The following POLR2F variants were observed in gnomAD, a reference collection of about 807,000 sequenced individuals.
POLR2F encodes the protein DNA-directed RNA polymerases I, II, and III subunit RPABC2.
A neutral mutation model predicts 22.7 loss-of-function variants in POLR2F; 12 were observed. That is an observed-to-expected ratio of 0.53 (90% CI 0.34 to 0.86). The LOEUF is 0.86. Among genes scored for constraint, POLR2F ranks in the 40% least tolerant of loss-of-function variants. The pLI is 0.02. For missense variants in POLR2F, 126 were observed against 171.5 expected, an observed-to-expected ratio of 0.73 and a Z score of 1.48; for synonymous variants, 57 against 66.0, an observed-to-expected ratio of 0.86 and a Z score of 0.66.
At chr22:38,029,847 C>A (rs774627557), downstream of POLR2F, among the ~76,000 whole-genome samples, 9 of 152,302 alleles carry the variant, frequency 5.9e-5, no homozygotes, top group South Asian at 1.5e-3. Flanking sequence ...GGTTGTGGAG[C>A]CTTCGTCCAC....
In POLR2F at chr22:37,986,373, G is replaced by T; in HGVS notation, c.120+61G>T. ...TCCTCTTTGAGGAAAGGACCTCCCC[G>T]CTCTCTGCTGTGTCTGTGACTGGCC... On this transcript the variant is annotated intron_variant, in intron 1 of 2. Transcript: ENST00000333418. The surrounding 1 kb of genome is among the most constrained non-coding windows in gnomAD (Gnocchi z 4.7). 1 of 1,528,142 alleles carries T rather than the reference G, an allele frequency of 6.5e-7. No homozygotes were observed. Among genetic ancestry groups the T allele is most frequent in the Non-Finnish European group, 8.7e-7 (1 of 1,142,912 alleles). 94.7% of individuals were successfully genotyped at this position (1,528,142 alleles called of 1,614,324 possible).
intron 5 of POLR2F, among the ~76,000 whole-genome samples, chr22:38,038,289 G>A (rs911669848): frequency 6.6e-6 from 1 of 152,212 alleles, no homozygotes; most frequent in Non-Finnish European, 1.5e-5. Flanking sequence ...TGAAGCCAGA[G>A]GATGTGAGGA....
At chr22:38,001,521 C>T (rs185004636) in intron 1 of POLR2F, among the ~76,000 whole-genome samples, 81 of 152,186 alleles carry the variant, frequency 5.3e-4, no homozygotes, top group African/African-American at 1.9e-3. Context: ...TTGGAGGCTC[C>T]TGGACTATAG....
At chr22:37,959,206 G>A (rs1266347304) in intron 2 of POLR2F, 140 bp from the exon 3 acceptor site, 1 of 778,824 alleles carries the variant, frequency 1.3e-6, no homozygotes, top group African/African-American at 1.7e-5. Flanking sequence ...GAGTTGTTAG[G>A]AAGCAGTTAT....
At chr22:38,030,370 A>T (rs887327544), downstream of POLR2F, among the ~76,000 whole-genome samples, 6 of 152,156 alleles carry the variant, frequency 3.9e-5, no homozygotes, top group Non-Finnish European at 8.8e-5. Flanking sequence ...GCCAATTTTC[A>T]TAGTGGAAAA....
chr22:38,025,323 G>A lies in POLR2F; in HGVS notation c.121-546G>A, dbSNP rs55728453. On this transcript the variant is annotated intron_variant, in intron 1 of 2. Coordinates refer to the POLR2F transcript ENST00000333418. ...ACTTGCAATCACAGCACACATGCAC[G>A]TACACACATGCAATTATACACACAA... 9.8e-3 allele frequency among the ~76,000 whole-genome samples: 1,488 copies of A among 151,836 alleles called. 28 individuals carry two copies. The highest frequency in any genetic ancestry group is 0.035 in the African/African-American group (1,440 of 41,358).
chr22:38,014,122 C>CAAAAAA (rs918824276), intron 1 of POLR2F, among the ~76,000 whole-genome samples: 5 of 60,234 alleles, frequency 8.3e-5, no homozygotes, highest in African/African-American at 1.7e-4. Flanking sequence ...AACTCTGTCT[C>CAAAAAA]AAAAAAAAAA....
At chr22:37,971,313 T>C (rs1338381553), downstream of POLR2F, 3 of 471,046 alleles carry the variant, frequency 6.4e-6, no homozygotes, top group South Asian at 1.5e-5. Flanking sequence ...AAAATTGAGA[T>C]AACGATCGGA....
At chr22:37,970,489 C>T (rs1932015140), downstream of POLR2F, among the ~76,000 whole-genome samples, 1 of 150,332 alleles carries the variant, frequency 6.7e-6, no homozygotes, top group African/African-American at 2.5e-5. Context: ...CACCTGTAGT[C>T]CCAGCTACTC....
intron 3 of POLR2F, among the ~76,000 whole-genome samples, chr22:37,963,300 A>T (rs1931723681): frequency 6.7e-6 from 1 of 148,566 alleles, no homozygotes; most frequent in Non-Finnish European, 1.5e-5. Flanking sequence ...CTTTTCTTTT[A>T]TTTTTTTAGA....
intron 1 of POLR2F, chr22:37,987,164 C>G: frequency 2.2e-6 from 1 of 456,692 alleles, no homozygotes; most frequent in Non-Finnish European, 4.4e-6. Context: ...GGTGTTTATT[C>G]TGCAGCAGAG....
intron 1 of POLR2F, chr22:38,025,663 C>A: frequency 6.4e-7 from 1 of 1,561,606 alleles, no homozygotes; most frequent in Non-Finnish European, 8.7e-7. Context: ...TCTCCTCCCG[C>A]TGACTTCTCC....
intron 1 of POLR2F, among the ~76,000 whole-genome samples, chr22:38,008,896 C>CATTAATTT: frequency 6.6e-6 from 1 of 151,456 alleles, no homozygotes; most frequent in Non-Finnish European, 1.5e-5. Flanking sequence ...AAAAGCAGTG[C>CATTAATTT]ATTAATTTTA....
At chr22:38,022,664 T>C (rs1291041355) in intron 1 of POLR2F, among the ~76,000 whole-genome samples, 1 of 152,104 alleles carries the variant, frequency 6.6e-6, no homozygotes, top group Admixed American at 6.5e-5. Context: ...CATGTTTTAC[T>C]ATGCTCAACA....
chr22:37,984,776 G>A (rs1221490361), upstream of POLR2F, among the ~76,000 whole-genome samples: 2 of 152,164 alleles, frequency 1.3e-5, no homozygotes, highest in African/African-American at 4.8e-5. This position sits in a 1 kb window ranked among gnomAD's most constrained non-coding sequence, Gnocchi z 4.4. Context: ...GGAGGTGGAG[G>A]GGAGGTTAGG....
downstream of POLR2F, among the ~76,000 whole-genome samples, chr22:38,027,377 C>T (rs369581183): frequency 6.6e-6 from 1 of 151,990 alleles, no homozygotes; most frequent in South Asian, 2.1e-4. Flanking sequence ...GGCGTGTCAC[C>T]CATGTGGGGC....
upstream of POLR2F, chr22:37,983,276 G>T: frequency 6.8e-7 from 1 of 1,474,464 alleles, no homozygotes; most frequent in African/African-American, 1.4e-5. The surrounding 1 kb of genome is among the most constrained non-coding windows in gnomAD (Gnocchi z 9.5). Flanking sequence ...GCTCTGAGGT[G>T]CAGGAGGCCG....
At chr22:38,020,905 G>A (rs1177981836) in intron 1 of POLR2F, among the ~76,000 whole-genome samples, 2 of 152,192 alleles carry the variant, frequency 1.3e-5, no homozygotes, top group African/African-American at 4.8e-5. Context: ...TCAGGGTCAT[G>A]ATTGGGTATT....
At chr22:38,010,247 C>T (rs2084859124) in intron 1 of POLR2F, among the ~76,000 whole-genome samples, 1 of 152,084 alleles carries the variant, frequency 6.6e-6, no homozygotes, top group Non-Finnish European at 1.5e-5. Flanking sequence ...TTGCAGTGCA[C>T]ACCTGTAGTC....
Sources: gnomAD v4.1 joint callset for allele counts (sites outside exome capture counted in the v4.1 genomes callset) on GRCh38, gnomAD v4.1.1 for gene constraint, Gnocchi (gnomAD v3.1) non-coding constraint, MANE v1.5 for transcripts, NCBI Gene and HGNC (gene_info 2026-07-23, HGNC 2026-07-21) for gene names.